The following ZPBP variants were observed in gnomAD, a reference collection of about 807,000 sequenced individuals.
ZPBP encodes zona pellucida binding protein, also known as zona pellucida-binding protein 1.
Under a neutral mutation model 44.8 loss-of-function variants are expected in ZPBP, and 26 were observed. The ratio of observed to expected loss-of-function variants is 0.58; its 90% CI spans 0.43 to 0.81. ZPBP has a LOEUF of 0.81. Ranked by LOEUF, ZPBP falls within the 30% of genes least tolerant of loss-of-function variation. The probability of loss-of-function intolerance (pLI) is 0.00; values close to 1 mark genes in which losing one functional copy is unlikely to be tolerated. For missense variants in ZPBP, 409 were observed against 434.0 expected, an observed-to-expected ratio of 0.94 and a Z score of 0.51; for synonymous variants, 174 against 153.2, an observed-to-expected ratio of 1.14 and a Z score of -1.00.
chr7:49,936,051 T>C (rs1368392069), downstream of ZPBP: 1 of 152,228 alleles, frequency 6.6e-6, no homozygotes, highest in Non-Finnish European at 1.5e-5. Context: ...GGAAAGAACA[T>C]GTATTCTAAT....
At chr7:49,854,347 T>C (rs1188547424) in intron 2 of ZPBP, among the ~76,000 whole-genome samples, 1 of 152,202 alleles carries the variant, frequency 6.6e-6, no homozygotes, top group Non-Finnish European at 1.5e-5. Context: ...AACGTGTTCC[T>C]ATTTCCCCAC....
At chr7:50,075,288 T>C (rs1562609940) in intron 3 of ZPBP, among the ~76,000 whole-genome samples, 1 of 151,534 alleles carries the variant, frequency 6.6e-6, no homozygotes, top group Non-Finnish European at 1.5e-5. Flanking sequence ...AAGAGAGAAA[T>C]TTATAGCTAT....
chr7:49,898,220 T>C (rs1237475349), intron 2 of ZPBP, among the ~76,000 whole-genome samples: 1 of 151,978 alleles, frequency 6.6e-6, no homozygotes, highest in Admixed American at 6.6e-5. Context: ...TATATGTATA[T>C]ACACACACAC....
chr7:49,937,482 AT>A lies in ZPBP; in HGVS notation c.*45del, dbSNP rs761000587. On this transcript the variant is annotated 3_prime_UTR_variant, in exon 8 of 8. Transcript: ENST00000046087. ...AATTTATTATGTTAATATTTCAAATATATACTTTGCATTTAATAAACCACTG... is the reference window on the plus strand; with the variant it reads ...AATTTATTATGTTAATATTTCAAATAATACTTTGCATTTAATAAACCACTG... 3 of 1,355,094 alleles carry A rather than the reference AT, an allele frequency of 2.2e-6. No individual in the cohort carries two copies. In the East Asian group the frequency reaches 6.9e-5, roughly 31 times the overall value. 83.9% of individuals were successfully genotyped at this position (1,355,094 alleles called of 1,614,324 possible). A position where few individuals can be genotyped will look rare whatever the true frequency, so the allele number is the denominator to read the frequency against.
chr7:49,951,450 G>A (rs556961700), intron 7 of ZPBP, among the ~76,000 whole-genome samples: 18 of 149,630 alleles, frequency 1.2e-4, no homozygotes, highest in Non-Finnish European at 1.6e-4. Flanking sequence ...CAAGCAAACA[G>A]GAAAAAATGC....
chr7:49,897,926 G>A (rs1792471428), intron 2 of ZPBP, among the ~76,000 whole-genome samples: 1 of 152,178 alleles, frequency 6.6e-6, no homozygotes, highest in African/African-American at 2.4e-5. Context: ...CTTGCAGGGG[G>A]AGGGGAAAAA....
intron 2 of ZPBP, among the ~76,000 whole-genome samples, chr7:49,857,047 A>C (rs1007054144): frequency 4.1e-5 from 6 of 147,652 alleles, no homozygotes; most frequent in African/African-American, 1.5e-4. Context: ...AAAAAGACGT[A>C]ACATGATATC....
At chr7:50,017,087 C>T (rs995582520) in intron 6 of ZPBP, among the ~76,000 whole-genome samples, 5 of 152,006 alleles carry the variant, frequency 3.3e-5, no homozygotes, top group African/African-American at 4.8e-5. Flanking sequence ...ATTTATTGTG[C>T]ACTTTATTTA....
intron 1 of ZPBP, among the ~76,000 whole-genome samples, chr7:49,908,728 A>C (rs1793239488): frequency 6.6e-6 from 1 of 152,152 alleles, no homozygotes; most frequent in Admixed American, 6.5e-5. Flanking sequence ...TCAGCTGAAG[A>C]TATCTTCTTA....
chr7:49,931,315 G>T (rs1794435367), intron 1 of ZPBP, among the ~76,000 whole-genome samples: 1 of 152,212 alleles, frequency 6.6e-6, no homozygotes, highest in Non-Finnish European at 1.5e-5. Flanking sequence ...AGTTTGGAGG[G>T]CTCAGAAGAA....
At chr7:49,943,696 G>A (rs993372678) in intron 7 of ZPBP, 2 of 259,508 alleles carry the variant, frequency 7.7e-6, no homozygotes, top group Non-Finnish European at 1.5e-5. Flanking sequence ...GTGTTCCCAG[G>A]GTTTATTCTT....
downstream of ZPBP, chr7:49,937,294 T>C: frequency 2.2e-6 from 1 of 449,790 alleles, no homozygotes; most frequent in Non-Finnish European, 4.0e-6. Context: ...TGAAACTATT[T>C]TTAAAATGCA....
intron 2 of ZPBP, among the ~76,000 whole-genome samples, chr7:50,088,938 A>G (rs932651688): frequency 2.0e-5 from 3 of 150,604 alleles, no homozygotes; most frequent in African/African-American, 7.3e-5. Flanking sequence ...GATGCACTCT[A>G]TAACATGGCT....
chr7:49,875,390 A>AAAC, intron 2 of ZPBP, among the ~76,000 whole-genome samples: 1 of 150,230 alleles, frequency 6.7e-6, no homozygotes, highest in Middle Eastern at 3.5e-3. Flanking sequence ...AAAAAAAAAA[A>AAAC]AAAAAAACAG....
chr7:49,983,274 A>C (rs1671221446), intron 7 of ZPBP, 68 bp downstream of exon 7: 1 of 1,417,316 alleles, frequency 7.1e-7, no homozygotes, highest in African/African-American at 1.4e-5. Context: ...ATATGCATTC[A>C]CTTAGGCTTA....
At chr7:49,948,503 G>T (rs11185595) in intron 7 of ZPBP, among the ~76,000 whole-genome samples, 60 of 151,844 alleles carry the variant, frequency 4.0e-4, no homozygotes, top group African/African-American at 5.1e-4. Flanking sequence ...TTTTTTTTTT[G>T]AATTTTAAAC....
intron 3 of ZPBP, among the ~76,000 whole-genome samples, chr7:50,064,786 C>G (rs996839702): frequency 6.6e-6 from 1 of 152,126 alleles, no homozygotes; most frequent in Non-Finnish European, 1.5e-5. Flanking sequence ...AACACACATG[C>G]TGTACAATTT....
intron 7 of ZPBP, among the ~76,000 whole-genome samples, chr7:49,969,298 A>G (rs960327693): frequency 6.6e-6 from 1 of 150,610 alleles, no homozygotes; most frequent in East Asian, 1.9e-4. Flanking sequence ...GTAGTAAGTT[A>G]TAACATAACA....
At chr7:49,857,712 G>C (rs1308908147) in intron 2 of ZPBP, among the ~76,000 whole-genome samples, 1 of 152,156 alleles carries the variant, frequency 6.6e-6, no homozygotes, top group African/African-American at 2.4e-5. Flanking sequence ...ATGCAAAATG[G>C]TGTAGTCCTT....
Sources: allele counts gnomAD v4.1 joint callset (sites outside exome capture counted in the v4.1 genomes callset), GRCh38; gene constraint gnomAD v4.1.1; transcripts MANE v1.5; gene names NCBI Gene and HGNC (gene_info 2026-07-23, HGNC 2026-07-21).